Variants in KLHDC2 observed in about 807,000 individuals in gnomAD.
KLHDC2 encodes kelch domain-containing protein 2.
Under a neutral mutation model 62.3 loss-of-function variants are expected in KLHDC2, and 38 were observed. The ratio of observed to expected loss-of-function variants is 0.61; its 90% CI spans 0.47 to 0.80. KLHDC2 has a LOEUF of 0.80. Among genes scored for constraint, KLHDC2 ranks in the 30% least tolerant of loss-of-function variants. The pLI, the probability that KLHDC2 is intolerant of heterozygous loss-of-function variation, is 0.00. For synonymous variants in KLHDC2, 159 were observed against 161.0 expected (o/e 0.99, Z 0.09); for missense variants, 430 against 495.3 (o/e 0.87, Z 1.25).
rs1396634767 is a variant in KLHDC2, at chr14:49,771,660, G to A, written c.220G>A (p.Glu74Lys). The A allele has an allele frequency of 6.7e-7, 1 of 1,495,678 alleles. No homozygotes were observed. The highest frequency in any genetic ancestry group is 2.3e-5 in the East Asian group (1 of 44,286). The allele number at this position is 1,495,678 out of a possible 1,614,324, so 92.7% of individuals were successfully genotyped here. A position where few individuals can be genotyped will look rare whatever the true frequency, so the allele number is the denominator to read the frequency against. The change falls in exon 2 of 13, where the codon GAG becomes AAG. Residue 74 changes from glutamate to lysine, a missense_variant. Transcript: ENST00000298307. ...PREELWIYNM[E>K]TGRWKKINTE... ...AGAAGAACTATGGATCTACAACATG[G>A]AGACTGGAAGATGGTAAATGTGGAT...
At chr14:49,774,113 T>G (rs1281624127) in intron 2 of KLHDC2, among the ~76,000 whole-genome samples, 2 of 152,220 alleles carry the variant, frequency 1.3e-5, no homozygotes, top group African/African-American at 4.8e-5. Context: ...CATAAAGGAC[T>G]GAATCTGATG....
Position 49,785,434 on chromosome 14 carries a change from C to T in KLHDC2, c.*2481C>T. 1 of 712,970 alleles carries T rather than the reference C, an allele frequency of 1.4e-6. No individual in the cohort carries two copies. The highest frequency in any genetic ancestry group is 2.5e-6 in the Non-Finnish European group (1 of 398,404). 44.2% of individuals were successfully genotyped at this position (712,970 alleles called of 1,614,324 possible). ...TTTTTATCTTTTCCTGATATACATA[C>T]CATCTAAGCTGGAACAGTGGTACTT... On this transcript the variant is annotated 3_prime_UTR_variant, in exon 13 of 13. Transcript: ENST00000298307.
At chr14:49,776,740 A>G (rs749431891) in intron 3 of KLHDC2, among the ~76,000 whole-genome samples, 43 of 151,950 alleles carry the variant, frequency 2.8e-4, no homozygotes, top group Non-Finnish European at 4.1e-4. Flanking sequence ...CCAACATGAC[A>G]AAAACTCGTC....
chr14:49,768,706 G>T, intron 1 of KLHDC2, 85 bp downstream of exon 1: 2 of 1,292,122 alleles, frequency 1.5e-6, no homozygotes, highest in Non-Finnish European at 2.0e-6. Flanking sequence ...GCCAGAGCGG[G>T]CCGCCGAGGG....
Position 49,785,477 on chromosome 14 carries a change from T to A in KLHDC2, c.*2524T>A, listed in dbSNP as rs1406534985. The A allele has an allele frequency of 3.3e-6, 2 of 605,528 alleles. No homozygotes were observed. Among genetic ancestry groups the A allele is most frequent in the East Asian group, 2.8e-5 (1 of 35,340 alleles). The allele number at this position is 605,528 out of a possible 1,614,324, so 37.5% of individuals were successfully genotyped here. A position where few individuals can be genotyped will look rare whatever the true frequency, so the allele number is the denominator to read the frequency against. On this transcript the variant is annotated 3_prime_UTR_variant, in exon 13 of 13. Coordinates refer to ENST00000298307, the MANE Select transcript of KLHDC2 (RefSeq NM_014315.3). Reference sequence around the variant, plus strand: ...TGGTACTTAAACTCTGCTTCATAGTTCCAAAGAGTTGAAGACCAATGTTTA... The same window carrying A: ...TGGTACTTAAACTCTGCTTCATAGTACCAAAGAGTTGAAGACCAATGTTTA...
rs1013721099 is a variant in KLHDC2 at position 49,780,255 on chromosome 14, A to C, written c.816A>C (p.Ser272=). 7.4e-6 allele frequency: 12 copies of C among 1,613,880 alleles called. No homozygotes were observed. In the East Asian group the frequency reaches 2.2e-4, roughly 30 times the overall value. The part of the protein sequence containing the change: ...GICPVGRSWH[S]LTPVSSDHLF... ...GCCCAGTTGGTCGATCTTGGCACTC[A>C]CTAACACCAGTTTCTTCAGATCATC... is the stretch of plus-strand genomic sequence containing the variant. The change falls in exon 9 of 13, where the codon TCA becomes TCC. Residue 272 remains serine, a synonymous_variant. Coordinates refer to ENST00000298307, the MANE Select transcript of KLHDC2 (RefSeq NM_014315.3).
chr14:49,780,427 T>C (rs1889868202), intron 9 of KLHDC2, 105 bp downstream of exon 9: 3 of 800,096 alleles, frequency 3.7e-6, no homozygotes, highest in Admixed American at 4.3e-5. Flanking sequence ...TAGGGTTGGT[T>C]GGAAGGTTTG....
intron 10 of KLHDC2, 96 bp downstream of exon 10, chr14:49,780,871 A>G (rs755180033): frequency 2.7e-6 from 2 of 741,858 alleles, no homozygotes; most frequent in African/African-American, 1.7e-5. Context: ...TAAAAATCTC[A>G]GCATTCACTA....
chr14:49,770,293 T>A (rs1331123006), intron 1 of KLHDC2, among the ~76,000 whole-genome samples: 2 of 152,118 alleles, frequency 1.3e-5, no homozygotes, highest in Non-Finnish European at 2.9e-5. Flanking sequence ...GGCACAGAAG[T>A]CCTTGGAGAT....
chr14:49,777,757 T>C (rs1364917351), intron 3 of KLHDC2, 82 bp from the exon 4 acceptor site: 2 of 761,430 alleles, frequency 2.6e-6, no homozygotes, highest in East Asian at 2.5e-5. Flanking sequence ...GGCACTCTTA[T>C]CATAAATCAT....
In KLHDC2 at chr14:49,783,131, T is replaced by TATA. The variant is rs1889990846; in HGVS notation, c.*179_*180insTAA. On this transcript the variant is annotated 3_prime_UTR_variant, in exon 13 of 13. Transcript: ENST00000298307. ...GTCTAAAGTTTACAATAAATGTATT[T>TATA]AACACCAGTAGCTGTCCTCTATTAA... 2.1e-6 allele frequency: 1 copy of TATA among 486,442 alleles called. No homozygotes were observed. The highest frequency in any genetic ancestry group is 3.5e-6 in the Non-Finnish European group (1 of 284,414). 30.1% of individuals were successfully genotyped at this position (486,442 alleles called of 1,614,324 possible).
At chr14:49,771,027 C>G (rs1243010612) in intron 1 of KLHDC2, among the ~76,000 whole-genome samples, 1 of 152,018 alleles carries the variant, frequency 6.6e-6, no homozygotes, top group East Asian at 1.9e-4. Context: ...TGGTTCTGTT[C>G]AGGATAAAGC....
Position 49,784,674 on chromosome 14 carries a change from CTT to C in KLHDC2, c.*1723_*1724del, listed in dbSNP as rs752282891. 6.2e-7 allele frequency: 1 copy of C among 1,612,690 alleles called. No homozygotes were observed. Among genetic ancestry groups the C allele is most frequent in the South Asian group, 1.1e-5 (1 of 90,764 alleles). On this transcript the variant is annotated 3_prime_UTR_variant, in exon 13 of 13. Transcript: ENST00000298307. ...ACGTTCAGAAGATTGGGTGCAGACA[CTT>C]TCACTTTGCCAGGAATGTTTCTTGA...
rs1890013083 is a variant in KLHDC2 at position 49,783,492 on chromosome 14, C to A, written c.*539C>A. The A allele has an allele frequency of 6.6e-6, 1 of 151,484 alleles. No individual in the cohort carries two copies. The highest frequency in any genetic ancestry group is 2.1e-4 in the South Asian group (1 of 4,808). 9.4% of individuals were successfully genotyped at this position (151,484 alleles called of 1,614,324 possible). A position where few individuals can be genotyped will look rare whatever the true frequency, so the allele number is the denominator to read the frequency against. ...CAGTGTAGGGGCTGGAGCAAGTGGT[C>A]ATGCTGAATACAGGCAGGTGCTGTC... On this transcript the variant is annotated 3_prime_UTR_variant, in exon 13 of 13. Coordinates refer to ENST00000298307, the MANE Select transcript of KLHDC2 (RefSeq NM_014315.3).
chr14:49,770,182 T>C (rs144387847), intron 1 of KLHDC2, among the ~76,000 whole-genome samples: 1 of 152,078 alleles, frequency 6.6e-6, no homozygotes, highest in African/African-American at 2.4e-5. Flanking sequence ...GCCTGGATGA[T>C]TGGGGCCGAT....
intron 8 of KLHDC2, 182 bp downstream of exon 8, chr14:49,779,988 C>T: frequency 1.6e-6 from 1 of 621,220 alleles, no homozygotes; most frequent in Non-Finnish European, 2.8e-6. Context: ...AACTATGTGC[C>T]TAGTACATAG....
Position 49,784,064 on chromosome 14 carries a change from G to T in KLHDC2, c.*1111G>T, listed in dbSNP as rs963371852. 1.3e-5 allele frequency: 2 copies of T among 151,138 alleles called. No individual in the cohort carries two copies. The highest frequency in any genetic ancestry group is 2.9e-5 in the Non-Finnish European group (2 of 67,860). The allele number at this position is 151,138 out of a possible 1,614,324, so 9.4% of individuals were successfully genotyped here. On this transcript the variant is annotated 3_prime_UTR_variant, in exon 13 of 13. Transcript: ENST00000298307. ...CTTTACATCATGAAATGAATACTTG[G>T]TATTAACCTCCCAAATTTCAAGAAA... is the stretch of plus-strand genomic sequence containing the variant.
In KLHDC2 at chr14:49,768,394, T is replaced by A; in HGVS notation, c.-75T>A. On this transcript the variant is annotated 5_prime_UTR_variant, in exon 1 of 13. Coordinates refer to ENST00000298307, the MANE Select transcript of KLHDC2 (RefSeq NM_014315.3). ...TTCCTTGCCTCGCGCCGCTGTGCAT[T>A]TCTCTCCTTTTCCTTTGTTTTTTTG... 1.3e-6 allele frequency: 2 copies of A among 1,495,426 alleles called. No individual in the cohort carries two copies. Among genetic ancestry groups the A allele is most frequent in the Non-Finnish European group, 1.8e-6 (2 of 1,101,826 alleles). 92.6% of individuals were successfully genotyped at this position (1,495,426 alleles called of 1,614,324 possible).
chr14:49,780,966 G>C (rs916421517), intron 10 of KLHDC2, among the ~76,000 whole-genome samples, 191 bp downstream of exon 10: 1 of 152,216 alleles, frequency 6.6e-6, no homozygotes, highest in African/African-American at 2.4e-5. Flanking sequence ...TGCATGAAGA[G>C]TAGGGCTGGA....
Sources: gnomAD v4.1 joint callset for allele counts (sites outside exome capture counted in the v4.1 genomes callset) on GRCh38, gnomAD v4.1.1 for gene constraint, MANE v1.5 for transcripts, NCBI Gene and HGNC (gene_info 2026-07-23, HGNC 2026-07-21) for gene names.